NOTCH1: variants seen among roughly 807,000 people sequenced by gnomAD.
NOTCH1 encodes the protein notch receptor 1.
A neutral mutation model predicts 254.8 loss-of-function variants in NOTCH1; 37 were observed. The observed-to-expected ratio is 0.15, with a 90% CI of 0.11 to 0.19. The LOEUF (loss-of-function observed/expected upper bound fraction) is 0.19, where lower values mean the gene tolerates loss of function less well. NOTCH1 is among the 10% of genes least tolerant of loss of function. The probability of loss-of-function intolerance (pLI) is 1.00; values close to 1 mark genes in which losing one functional copy is unlikely to be tolerated. For missense variants in NOTCH1, 2,972 were observed against 3,708.6 expected (o/e 0.80, Z 5.16); for synonymous variants, 1,731 against 1,618.1 (o/e 1.07, Z -1.68).
rs1843221591 is a variant in NOTCH1, at chr9:136,513,835, C to T, written c.2208-298G>A. Among the ~76,000 whole-genome samples, 1 of 152,274 alleles carries T rather than the reference C, an allele frequency of 6.6e-6. No individual in the cohort carries two copies. Among genetic ancestry groups the T allele is most frequent in the South Asian group, 2.1e-4 (1 of 4,824 alleles). ...TACAAAAATTAGCCAGGTGTGGTGG[C>T]ACATGCCTGTAATCTCAGCTACTCG... On this transcript the variant is annotated intron_variant, in intron 13 of 33. Transcript: ENST00000651671. This position sits in a 1 kb window ranked among gnomAD's most constrained non-coding sequence, Gnocchi z 4.7.
Position 136,499,169 on chromosome 9 carries a change from C to T in NOTCH1, c.6025G>A (p.Gly2009Ser), listed in dbSNP as rs1842960316. ...LILAARLAVEGMLEDLINSHA... is the reference protein window; with the variant it reads ...LILAARLAVESMLEDLINSHA... ...GAGTTGATGAGGTCCTCCAGCATGC[C>T]CTCCACGGCCAGGCGGGCAGCCAGG... The change falls in exon 32 of 34, where the codon GGC becomes AGC. Residue 2009 changes from glycine (G) to serine (S), a missense_variant. This residue lies in a region of NOTCH1 where 421 missense variants were observed against 604.4 expected (regional missense o/e 0.70). Transcript: ENST00000651671. The T allele has an allele frequency of 1.9e-6, 3 of 1,613,250 alleles. No homozygotes were observed. Among genetic ancestry groups the T allele is most frequent in the Admixed American group, 3.3e-5 (2 of 60,010 alleles).
chr9:136,510,350 C>T (rs1317291136), intron 17 of NOTCH1, among the ~76,000 whole-genome samples: 1 of 151,940 alleles, frequency 6.6e-6, no homozygotes, highest in Admixed American at 6.6e-5. Context: ...TGGCCTGCAG[C>T]GGGGCCCGAT....
Position 136,496,648 on chromosome 9 carries a change from C to T in NOTCH1, c.7091G>A (p.Ser2364Asn). 1.2e-6 allele frequency: 2 copies of T among 1,613,130 alleles called. No homozygotes were observed. The highest frequency in any genetic ancestry group is 1.7e-6 in the Non-Finnish European group (2 of 1,179,970). ...LAASALSQMM[S>N]YQGLPSTRLA... ...CCGGGTGCTGGGCAGGCCCTGGTAGCTCATCATCTGGGACAGGGCGCTGGC... is the reference window on the plus strand; with the variant it reads ...CCGGGTGCTGGGCAGGCCCTGGTAGTTCATCATCTGGGACAGGGCGCTGGC... The change falls in exon 34 of 34, where the codon AGC becomes AAC. Residue 2364 changes from serine to asparagine, a missense_variant. This residue lies in a region of NOTCH1 where 529 missense variants were observed against 529.2 expected (regional missense o/e 1.00). Transcript: ENST00000651671.
Position 136,495,934 on chromosome 9 carries a change from A to T in NOTCH1, c.*137T>A, listed in dbSNP as rs1050109143. On this transcript the variant is annotated 3_prime_UTR_variant, in exon 34 of 34. Coordinates refer to ENST00000651671, the MANE Select transcript of NOTCH1 (RefSeq NM_017617.5). Reference sequence around the variant, plus strand: ...AGTACATAAATAAATACTAAAAAAAATTAAAATCCTCGTTCTTATTTTGTA... The same window carrying T: ...AGTACATAAATAAATACTAAAAAAATTTAAAATCCTCGTTCTTATTTTGTA... 3.5e-5 allele frequency: 34 copies of T among 965,194 alleles called. No homozygotes were observed. Among genetic ancestry groups the T allele is most frequent in the Middle Eastern group, 3.3e-4 (1 of 3,042 alleles). The allele number at this position is 965,194 out of a possible 1,614,324, so 59.8% of individuals were successfully genotyped here.
Position 136,513,073 on chromosome 9 carries a change from C to T in NOTCH1, c.2415G>A (p.Thr805=), listed in dbSNP as rs774284462. The T allele has an allele frequency of 1.4e-5, 22 of 1,592,358 alleles. No individual in the cohort carries two copies. In the Admixed American group the frequency reaches 1.5e-4, roughly 11 times the overall value. ...CASNPCLNQG[T]CIDDVAGYKC... is the part of the protein sequence containing the mutation. ...TGTACCCGGCAACGTCGTCAATACA[C>T]GTGCCCTGGTTCAGACATGGGTTGG... The change falls in exon 15 of 34, where the codon ACG becomes ACA. Residue 805 remains threonine, a synonymous_variant. Coordinates refer to ENST00000651671, the MANE Select transcript of NOTCH1 (RefSeq NM_017617.5). This position sits in a 1 kb window ranked among gnomAD's most constrained non-coding sequence, Gnocchi z 4.7.
Position 136,503,288 on chromosome 9 carries a change from C to A in NOTCH1, c.5061G>T (p.Gln1687His), listed in dbSNP as rs515726233. 1 of 1,612,982 alleles carries A rather than the reference C, an allele frequency of 6.2e-7. No homozygotes were observed. Among genetic ancestry groups the A allele is most frequent in the Non-Finnish European group, 8.5e-7 (1 of 1,179,922 alleles). ...YLEIDNRQCV[Q>H]ASSQCFQSAT... Reference sequence around the variant, plus strand: ...CACTCTGGAAGCACTGCGAGGAGGCCTGCACACACTGCCGGTTGTCAATCT... The same window carrying A: ...CACTCTGGAAGCACTGCGAGGAGGCATGCACACACTGCCGGTTGTCAATCT... The change falls in exon 27 of 34, where the codon CAG becomes CAT. Residue 1687 changes from glutamine (Q) to histidine (H), a missense_variant. This residue lies in a region of NOTCH1 where 421 missense variants were observed against 604.4 expected (regional missense o/e 0.70). Transcript: ENST00000651671.
In NOTCH1 at chr9:136,502,873, T is replaced by TA. The variant is rs1322663183; in HGVS notation, c.5167+308dup. On this transcript the variant is annotated intron_variant, in intron 27 of 33. Transcript: ENST00000651671. ...TTCTCTCTCTCTCTTTTTTTTTCTT[T>TA]AAAAAAAGCCGTAATGATTTTGAAA... 46 of 599,152 alleles carry TA rather than the reference T, an allele frequency of 7.7e-5. 2 individuals carry two copies. The East Asian group carries it at 9.3e-4, about 12-fold the overall frequency. 37.1% of individuals were successfully genotyped at this position (599,152 alleles called of 1,614,324 possible).
At position 136,545,504 on chromosome 9, in the gene NOTCH1, G is replaced by T. The variant is rs1365975372; in HGVS notation, c.61+222C>A. 6.6e-6 allele frequency among the ~76,000 whole-genome samples: 1 copy of T among 151,916 alleles called. No individual in the cohort carries two copies. Among genetic ancestry groups the T allele is most frequent in the Non-Finnish European group, 1.5e-5 (1 of 67,948 alleles). On this transcript the variant is annotated intron_variant, in intron 1 of 33. Coordinates refer to ENST00000651671, the MANE Select transcript of NOTCH1 (RefSeq NM_017617.5). The surrounding 1 kb of genome is among the most constrained non-coding windows in gnomAD (Gnocchi z 6.8). ...ACACCGGCCTCCTAACTCGGCTCCAGGCACGGGCGGCGCGAGTCCGCCTCC... is the reference window on the plus strand; with the variant it reads ...ACACCGGCCTCCTAACTCGGCTCCATGCACGGGCGGCGCGAGTCCGCCTCC...
At chr9:136,507,528 C>A (rs555316390) in intron 21 of NOTCH1, 91 bp from the exon 22 acceptor site, 2 of 1,523,058 alleles carry the variant, frequency 1.3e-6, no homozygotes, top group African/African-American at 2.7e-5. Flanking sequence ...GACAGGGCCA[C>A]ATGAGCTGCC....
Position 136,509,019 on chromosome 9 carries a change from G to T in NOTCH1, c.3022C>A (p.Leu1008Met), listed in dbSNP as rs1843134476. The T allele has an allele frequency of 3.2e-6, 5 of 1,563,388 alleles. No homozygotes were observed. Among genetic ancestry groups the T allele is most frequent in the Non-Finnish European group, 4.3e-6 (5 of 1,154,798 alleles). ...CTGCCCGTGAAGCCGGGTGGACACA[G>T]GCAGGTGAACGAGTTGATGCCGTCC... ...CVDGINSFTC[L>M]CPPGFTGSYC... Residue 1008 changes from leucine (L) to methionine (M), a missense_variant, in exon 19 of 34, where the codon CTG (leucine) becomes ATG (methionine). Transcript: ENST00000651671.
intron 18 of NOTCH1, 49 bp downstream of exon 18, chr9:136,509,684 G>T: frequency 6.4e-7 from 1 of 1,556,750 alleles, no homozygotes; most frequent in Non-Finnish European, 8.9e-7. Flanking sequence ...TACTGCGTGT[G>T]GCCCGCACCG....
rs769046407 is a variant in NOTCH1, at chr9:136,544,099, G to C, written c.65C>G (p.Pro22Arg). 1 of 1,572,548 alleles carries C rather than the reference G, an allele frequency of 6.4e-7. No individual in the cohort carries two copies. Among genetic ancestry groups the C allele is most frequent in the African/African-American group, 1.4e-5 (1 of 74,030 alleles). ...GGTCTCACCGGGCTGGGAGCATCGC[G>C]GGCCTAGGCAGGGGCAGGAGAAGAG... Reference protein sequence around the residue: ...ALLPALAARGPRCSQPGETCL... With the variant: ...ALLPALAARGRRCSQPGETCL... The change falls in exon 2 of 34, where the codon CCG (proline) becomes CGG (arginine). Residue 22 changes from proline to arginine, a missense_variant. Physicochemically the swap from Pro to Arg is moderately radical, Grantham distance 103. Around this residue, in one of 8 missense-constraint regions of NOTCH1, gnomAD observed 374 missense variants for 496.3 expected, o/e 0.75. Coordinates refer to ENST00000651671, the MANE Select transcript of NOTCH1 (RefSeq NM_017617.5).
chr9:136,497,883 C>A (rs902661541), intron 33 of NOTCH1, among the ~76,000 whole-genome samples: 2 of 152,200 alleles, frequency 1.3e-5, no homozygotes, highest in Non-Finnish European at 2.9e-5. Flanking sequence ...TTCCCTGCCC[C>A]CAATAAGGCA....
In NOTCH1 at chr9:136,519,583, G is replaced by A. The variant is rs769949581; in HGVS notation, c.743-18C>T. 7.4e-5 allele frequency: 119 copies of A among 1,612,452 alleles called. No individual in the cohort carries two copies. In the South Asian group the frequency reaches 1.0e-3, roughly 14 times the overall value. ...GGTGAAGCCTGCCGCAAGAGGGGCC[G>A]GGTCAGCCTCTTCCCTGAGGTCCAG... On this transcript the variant is annotated intron_variant, in intron 4 of 33. Coordinates refer to ENST00000651671, the MANE Select transcript of NOTCH1 (RefSeq NM_017617.5).
Position 136,505,322 on chromosome 9 carries a change from T to G in NOTCH1, c.4574A>C (p.Glu1525Ala). The G allele has an allele frequency of 6.3e-7, 1 of 1,579,032 alleles. No homozygotes were observed. Among genetic ancestry groups the G allele is most frequent in the South Asian group, 1.1e-5 (1 of 87,438 alleles). Residue 1525 changes from glutamate to alanine, a missense_variant, in exon 25 of 34, where the codon GAA becomes GCA. Physicochemically the swap from Glu to Ala is moderately radical, Grantham distance 107. This residue lies in a region of NOTCH1 where 1,343 missense variants were observed against 1,557.0 expected (regional missense o/e 0.86). Coordinates refer to ENST00000651671, the MANE Select transcript of NOTCH1 (RefSeq NM_017617.5). The part of the protein sequence containing the change: ...LFDGFDCQRA[E>A]GQCNPLYDQY... ...CCCGCAGCCTTACTTGCACTGGCCT[T>G]CCGCACGCTGGCAGTCAAAGCCGTC...
chr9:136,542,983 T>C, intron 2 of NOTCH1: 1 of 153,316 alleles, frequency 6.5e-6, no homozygotes, highest in Non-Finnish European at 1.5e-5. Flanking sequence ...CCCGGCCCCC[T>C]CAGTGCCCAT....
At position 136,505,600 on chromosome 9, in the gene NOTCH1, G is replaced by T. The variant is rs774697636; in HGVS notation, c.4296C>A (p.Phe1432Leu). Residue 1432 changes from phenylalanine (F) to leucine (L), a missense_variant, in exon 25 of 34, where the codon TTC becomes TTA. Around this residue, in one of 8 missense-constraint regions of NOTCH1, gnomAD observed 1,343 missense variants for 1,557.0 expected, o/e 0.86. Coordinates refer to ENST00000651671, the MANE Select transcript of NOTCH1 (RefSeq NM_017617.5). ...GGATGTCGCGCCCGGCCCCACCCCC[G>T]AAGCTGTAGTCCAGGATGTGGCACA... is the stretch of plus-strand genomic sequence containing the variant. Reference protein sequence around the residue: ...GLLCHILDYSFGGGAGRDIPP... With the variant: ...GLLCHILDYSLGGGAGRDIPP... 1 of 1,611,030 alleles carries T rather than the reference G, an allele frequency of 6.2e-7. No homozygotes were observed. The highest frequency in any genetic ancestry group is 1.3e-5 in the African/African-American group (1 of 75,012).
At chr9:136,544,226 G>A (rs1283738898) in intron 1 of NOTCH1, 124 bp from the exon 2 acceptor site, 4 of 883,650 alleles carry the variant, frequency 4.5e-6, no homozygotes, top group East Asian at 2.6e-5. Context: ...TACCCCGGAC[G>A]CACTCTGCTC....
chr9:136,512,931 T>TC, intron 15 of NOTCH1, 90 bp downstream of exon 15: 10 of 182,060 alleles, frequency 5.5e-5, no homozygotes, highest in Non-Finnish European at 9.1e-5. Flanking sequence ...CCCCACCCTC[T>TC]CCAGCACAGG....
Sources: gnomAD v4.1 joint callset for allele counts (sites outside exome capture counted in the v4.1 genomes callset) on GRCh38, gnomAD v4.1.1 for gene constraint, gnomAD v4.1.1 regional missense constraint, Gnocchi (gnomAD v3.1) non-coding constraint, MANE v1.5 for transcripts, NCBI Gene and HGNC (gene_info 2026-07-23, HGNC 2026-07-21) for gene names.